The following RIMS1 variants were observed in gnomAD, a reference collection of about 807,000 sequenced individuals.
The protein encoded by RIMS1 is regulating synaptic membrane exocytosis 1, also known as regulating synaptic membrane exocytosis protein 1.
RIMS1 carries 83 observed loss-of-function variants against 214.1 expected under a neutral mutation model. That is an observed-to-expected ratio of 0.39 (90% CI 0.32 to 0.47). The LOEUF is 0.47. Ranked by LOEUF, RIMS1 falls within the 20% of genes least tolerant of loss-of-function variation. The pLI, the probability that RIMS1 is intolerant of heterozygous loss-of-function variation, is 0.99. For synonymous variants in RIMS1, 793 were observed against 786.8 expected (o/e 1.01, Z -0.13); for missense variants, 2,050 against 2,161.8 (o/e 0.95, Z 1.03).
intron 2 of RIMS1, among the ~76,000 whole-genome samples, chr6:71,976,458 T>G (rs1797167722): frequency 6.6e-6 from 1 of 152,166 alleles, no homozygotes; most frequent in African/African-American, 2.4e-5. Flanking sequence ...TTTTTTATTT[T>G]TGAGTTATAA....
intron 4 of RIMS1, among the ~76,000 whole-genome samples, chr6:72,124,445 T>C (rs2039088723): frequency 6.6e-6 from 1 of 151,772 alleles, no homozygotes; most frequent in Non-Finnish European, 1.5e-5. Context: ...CTGACAATTA[T>C]GTGTGTGTCT....
At chr6:72,089,777 C>T (rs1198749574) in intron 2 of RIMS1, among the ~76,000 whole-genome samples, 1 of 133,766 alleles carries the variant, frequency 7.5e-6, no homozygotes, top group Non-Finnish European at 1.7e-5. Flanking sequence ...CCCAAATGTC[C>T]AACAATGATA....
intron 29 of RIMS1, among the ~76,000 whole-genome samples, chr6:72,378,956 C>G (rs1020614559): frequency 3.9e-5 from 6 of 152,172 alleles, no homozygotes; most frequent in African/African-American, 1.2e-4. Flanking sequence ...ACCCAATATT[C>G]TCTGAGACTT....
At chr6:71,957,365 A>G (rs1791594573) in intron 1 of RIMS1, among the ~76,000 whole-genome samples, 1 of 152,214 alleles carries the variant, frequency 6.6e-6, no homozygotes, top group African/African-American at 2.4e-5. Flanking sequence ...ACATAAAGGC[A>G]GATTTCAGTA....
chr6:72,248,830 G>A (rs1218840446), intron 12 of RIMS1, among the ~76,000 whole-genome samples: 1 of 152,174 alleles, frequency 6.6e-6, no homozygotes, highest in African/African-American at 2.4e-5. Context: ...TAATGAGACA[G>A]AGAAGATATA....
chr6:72,196,377 G>GTCTGTCTATCTA (rs1554269277), intron 6 of RIMS1, among the ~76,000 whole-genome samples: 32 of 144,084 alleles, frequency 2.2e-4, no homozygotes, highest in South Asian at 8.9e-4. Context: ...CTGTCTGTCT[G>GTCTGTCTATCTA]TCTATCTATC....
At chr6:72,039,551 T>A (rs1013256534) in intron 2 of RIMS1, among the ~76,000 whole-genome samples, 1 of 152,048 alleles carries the variant, frequency 6.6e-6, no homozygotes, top group Admixed American at 6.6e-5. Context: ...AAACACTTCC[T>A]TACTGCTCAG....
intron 2 of RIMS1, among the ~76,000 whole-genome samples, chr6:72,031,773 CTTTA>C (rs976885021): frequency 7.9e-5 from 12 of 152,056 alleles, no homozygotes; most frequent in African/African-American, 2.4e-4. Context: ...CTATTTAGTT[CTTTA>C]TTTATTTATT....
chr6:72,290,104 A>G (rs1039504802), intron 24 of RIMS1, among the ~76,000 whole-genome samples: 5 of 152,198 alleles, frequency 3.3e-5, no homozygotes, highest in Non-Finnish European at 7.4e-5. Flanking sequence ...TTAATGGAGC[A>G]TTCTCCACCT....
intron 29 of RIMS1, among the ~76,000 whole-genome samples, chr6:72,341,162 A>AT (rs1403804382): frequency 2.6e-5 from 4 of 151,894 alleles, no homozygotes; most frequent in Non-Finnish European, 5.9e-5. Context: ...GAAGTTGTTT[A>AT]CAGCTTAAGG....
intron 1 of RIMS1, among the ~76,000 whole-genome samples, chr6:71,900,235 G>T (rs760659108): frequency 1.3e-5 from 2 of 152,032 alleles, no homozygotes; most frequent in Non-Finnish European, 2.9e-5. Context: ...GGAAGGGGGA[G>T]TGGTAAGCCT....
chr6:72,244,405 A>G (rs1292427408), intron 10 of RIMS1, among the ~76,000 whole-genome samples: 1 of 151,836 alleles, frequency 6.6e-6, no homozygotes, highest in Non-Finnish European at 1.5e-5. Context: ...ATTTTCAACA[A>G]CTTTGCCACC....
At chr6:72,086,845 A>G (rs938016375) in intron 2 of RIMS1, among the ~76,000 whole-genome samples, 1 of 152,220 alleles carries the variant, frequency 6.6e-6, no homozygotes, top group Admixed American at 6.5e-5. Flanking sequence ...GGTTCAGTTT[A>G]TTAGGAAGAT....
chr6:72,066,642 C>T (rs1002577827), intron 2 of RIMS1, among the ~76,000 whole-genome samples: 2 of 152,112 alleles, frequency 1.3e-5, no homozygotes, highest in African/African-American at 4.8e-5. Flanking sequence ...GTTTTTATAT[C>T]TTAGAACAAT....
At chr6:71,981,762 G>A (rs1798538319) in intron 2 of RIMS1, among the ~76,000 whole-genome samples, 1 of 152,016 alleles carries the variant, frequency 6.6e-6, no homozygotes, top group African/African-American at 2.4e-5. Context: ...CTTGGGATAT[G>A]TTTTCTCTGG....
intron 21 of RIMS1, 75 bp from the exon 22 acceptor site, chr6:72,265,885 T>C (rs1366527530): frequency 2.0e-6 from 2 of 1,020,554 alleles, no homozygotes; most frequent in African/African-American, 3.2e-5. Flanking sequence ...TATGCTTTAC[T>C]CTCTAACATG....
intron 4 of RIMS1, among the ~76,000 whole-genome samples, chr6:72,143,156 G>A (rs1333184501): frequency 6.6e-6 from 1 of 151,984 alleles, no homozygotes; most frequent in Non-Finnish European, 1.5e-5. Context: ...CTAACATATA[G>A]GCTAGTGATA....
intron 29 of RIMS1, among the ~76,000 whole-genome samples, chr6:72,362,419 T>G (rs2097856616): frequency 6.6e-6 from 1 of 152,120 alleles, no homozygotes; most frequent in Non-Finnish European, 1.5e-5. Flanking sequence ...AGAGACAGAT[T>G]TAGGTTTTAC....
At chr6:72,340,621 T>C (rs1233945453) in intron 29 of RIMS1, among the ~76,000 whole-genome samples, 1 of 152,144 alleles carries the variant, frequency 6.6e-6, no homozygotes, top group Non-Finnish European at 1.5e-5. Context: ...GCGAGGGCTC[T>C]GTTCTGTTCC....
Sources: allele counts gnomAD v4.1 joint callset (sites outside exome capture counted in the v4.1 genomes callset), GRCh38; gene constraint gnomAD v4.1.1; transcripts MANE v1.5; gene names NCBI Gene and HGNC (gene_info 2026-07-23, HGNC 2026-07-21).